NHSL1: variants seen among roughly 807,000 people sequenced by gnomAD.
NHSL1 encodes the protein NHS-like protein 1.
NHSL1 carries 48 observed loss-of-function variants against 95.0 expected under a neutral mutation model. That is an observed-to-expected ratio of 0.51 (90% CI 0.40 to 0.64). NHSL1 has a LOEUF of 0.64. Among genes scored for constraint, NHSL1 ranks in the 30% least tolerant of loss-of-function variants. The pLI is 0.00. For synonymous variants in NHSL1, 783 were observed against 833.9 expected, an observed-to-expected ratio of 0.94 and a Z score of 1.05; for missense variants, 1,971 against 2,077.7, an observed-to-expected ratio of 0.95 and a Z score of 1.00.
intron 1 of NHSL1, among the ~76,000 whole-genome samples, chr6:138,671,013 C>T (rs1019892067): frequency 2.6e-5 from 4 of 151,924 alleles, no homozygotes; most frequent in Non-Finnish European, 5.9e-5. Flanking sequence ...CTTAGCCAGG[C>T]ATGGTGGTGC....
chr6:138,656,256 T>C (rs1785156009), intron 1 of NHSL1, among the ~76,000 whole-genome samples: 1 of 152,250 alleles, frequency 6.6e-6, no homozygotes, highest in Non-Finnish European at 1.5e-5. Context: ...ACTTACGAGT[T>C]TCTTTTACAA....
chr6:138,433,375 T>G lies in NHSL1; in HGVS notation c.970A>C (p.Ser324Arg). The G allele has an allele frequency of 6.4e-7, 1 of 1,552,226 alleles. No individual in the cohort carries two copies. The highest frequency in any genetic ancestry group is 2.4e-5 in the East Asian group (1 of 40,900). Residue 324 changes from serine (S) to arginine (R), a missense_variant, in exon 6 of 8, where the codon AGT (serine) becomes CGT (arginine). Physicochemically the swap from Ser to Arg is moderately radical, Grantham distance 110. This residue lies in a region of NHSL1 where 1,602 missense variants were observed against 1,654.5 expected (regional missense o/e 0.97). Coordinates refer to ENST00000343505, the MANE Select transcript of NHSL1 (RefSeq NM_001144060.2). ...SRLDSDAGFHSLPRSGARANI... is the reference protein window; with the variant it reads ...SRLDSDAGFHRLPRSGARANI... ...GCCCTTGCTCCAGAACGCGGAAGAC[T>G]ATGGAAGCCAGCATCACTGTCAAGG... is the stretch of plus-strand genomic sequence containing the variant.
At chr6:138,526,375 G>T (rs535653450) in intron 1 of NHSL1, among the ~76,000 whole-genome samples, 22 of 152,278 alleles carry the variant, frequency 1.4e-4, no homozygotes, top group Non-Finnish European at 2.9e-4. Context: ...CAACTACTGG[G>T]AAGGCTGAGG....
intron 2 of NHSL1, among the ~76,000 whole-genome samples, chr6:138,488,929 G>A (rs186936395): frequency 6.6e-6 from 1 of 152,338 alleles, no homozygotes; most frequent in East Asian, 1.9e-4. Flanking sequence ...AAGGGGGACT[G>A]ACCAGAGGAC....
intron 1 of NHSL1, among the ~76,000 whole-genome samples, chr6:138,659,210 C>G (rs775970723): frequency 6.6e-6 from 1 of 151,782 alleles, no homozygotes; most frequent in African/African-American, 2.4e-5. Flanking sequence ...CCACCACATC[C>G]GGCTAATTTT....
intron 1 of NHSL1, among the ~76,000 whole-genome samples, chr6:138,600,547 C>G (rs547556864): frequency 6.6e-6 from 1 of 152,254 alleles, no homozygotes; most frequent in South Asian, 2.1e-4. Flanking sequence ...TACTTTGTAA[C>G]CAAAAGAGAA....
At chr6:138,492,538 T>G (rs376185593) in intron 2 of NHSL1, among the ~76,000 whole-genome samples, 142 of 152,380 alleles carry the variant, frequency 9.3e-4, no homozygotes, top group African/African-American at 3.2e-3. Flanking sequence ...TCTGCTTTTA[T>G]GTACTAAGTC....
At chr6:138,603,452 T>C (rs1417094258) in intron 1 of NHSL1, among the ~76,000 whole-genome samples, 3 of 152,176 alleles carry the variant, frequency 2.0e-5, no homozygotes, top group African/African-American at 7.2e-5. Flanking sequence ...GTGAGCACTA[T>C]GAGGTTTGGT....
upstream of NHSL1, among the ~76,000 whole-genome samples, chr6:138,499,840 GA>G (rs539941862): frequency 3.9e-5 from 6 of 152,090 alleles, no homozygotes; most frequent in African/African-American, 7.2e-5. Flanking sequence ...ATTTAGGGGG[GA>G]AAAAAACCAA....
At position 138,511,874 on chromosome 6, in the gene NHSL1, C is replaced by A. The variant is rs560157365; in HGVS notation, c.17-15503G>T. Among the ~76,000 whole-genome samples, 14 of 152,192 alleles carry A rather than the reference C, an allele frequency of 9.2e-5. No homozygotes were observed. The East Asian group carries it at 2.5e-3, about 27-fold the overall frequency. Reference sequence around the variant, plus strand: ...AGTGAGCCGAGATTGCTCCACCGCACTCCAGCCTGGGCAATAGAGCGAGAT... The same window carrying A: ...AGTGAGCCGAGATTGCTCCACCGCAATCCAGCCTGGGCAATAGAGCGAGAT... On this transcript the variant is annotated intron_variant, in intron 1 of 4. Transcript: ENST00000342260.
rs547704430 is a variant in NHSL1 at position 138,592,842 on chromosome 6, C to T, written c.97-96471G>A. Reference sequence around the variant, plus strand: ...CAATTGTGATGGAGCAAAAATTTTGCCTGTAGACAATAATTAACCTTTCTC... The same window carrying T: ...CAATTGTGATGGAGCAAAAATTTTGTCTGTAGACAATAATTAACCTTTCTC... On this transcript the variant is annotated intron_variant, in intron 1 of 3. Transcript: ENST00000491526. 2.0e-5 allele frequency among the ~76,000 whole-genome samples: 3 copies of T among 152,130 alleles called. No individual in the cohort carries two copies. The South Asian group carries it at 6.2e-4, about 32-fold the overall frequency.
intron 3 of NHSL1, among the ~76,000 whole-genome samples, chr6:138,455,530 GCCTTCACATGCTCCCTGCAAGGAGCCCC>G (rs1777548541): frequency 9.5e-6 from 1 of 105,402 alleles, no homozygotes; most frequent in Non-Finnish European, 2.3e-5. Flanking sequence ...AAGGAGCCCC[GCCTTCACATGCTCCCTGCAAGGAGCCCC>G]GCCTTCGCAT....
intron 1 of NHSL1, among the ~76,000 whole-genome samples, chr6:138,612,095 G>C (rs577511708): frequency 1.2e-3 from 139 of 116,020 alleles, no homozygotes; most frequent in African/African-American, 5.0e-3. Flanking sequence ...GAGCAACAGA[G>C]CAAGACTCCA....
In NHSL1 at chr6:138,441,125, T is replaced by G. The variant is rs149810476; in HGVS notation, c.664+858A>C. ...TTCTATTAACATCACCAAGCCCGTT[T>G]GTTAAATGAGGAAGTAGACTCAGAG... On this transcript the variant is annotated intron_variant, in intron 5 of 7. Transcript: ENST00000343505. Among the ~76,000 whole-genome samples the G allele has an allele frequency of 5.0e-4, 76 of 152,310 alleles. 1 individual carries two copies. Among genetic ancestry groups the G allele is most frequent in the Admixed American group, 8.5e-4 (13 of 15,306 alleles).
intron 1 of NHSL1, among the ~76,000 whole-genome samples, chr6:138,688,577 A>G (rs1472459623): frequency 6.6e-6 from 1 of 152,140 alleles, no homozygotes. Context: ...CGGGAGGCAG[A>G]GGTTGCAGTG....
chr6:138,441,999 G>A lies in NHSL1; in HGVS notation c.648C>T (p.Asn216=), dbSNP rs1220033592. The A allele has an allele frequency of 1.3e-6, 2 of 1,551,038 alleles. No individual in the cohort carries two copies. The highest frequency in any genetic ancestry group is 2.0e-5 in the Admixed American group (1 of 50,924). ...RRKTITGVPD[N]IQKELASGTG... ...GAGCCATACCTAGCTCCTTCTGTAT[G>A]TTGTCAGGGACTCCTGTAATAGTCT... is the stretch of plus-strand genomic sequence containing the variant. Residue 216 remains asparagine (N), a synonymous_variant, in exon 5 of 8, where the codon AAC becomes AAT. Transcript: ENST00000343505.
chr6:138,480,705 T>C (rs1300309209), intron 2 of NHSL1, among the ~76,000 whole-genome samples: 1 of 152,216 alleles, frequency 6.6e-6, no homozygotes, highest in East Asian at 1.9e-4. Context: ...TCATTAAGCA[T>C]TGGGAGGACT....
intron 1 of NHSL1, among the ~76,000 whole-genome samples, chr6:138,670,665 CAAAAAAAAAAA>C (rs370888768): frequency 1.4e-5 from 1 of 69,360 alleles, no homozygotes; most frequent in South Asian, 5.4e-4. Flanking sequence ...GACTCCGTCT[CAAAAAAAAAAA>C]AAAAAAAAAA....
chr6:138,628,692 G>A (rs987613981), intron 1 of NHSL1, among the ~76,000 whole-genome samples: 1 of 152,220 alleles, frequency 6.6e-6, no homozygotes, highest in Admixed American at 6.5e-5. Flanking sequence ...AGGTTGTAGT[G>A]AGCTGAGATT....
Sources: allele counts gnomAD v4.1 joint callset (sites outside exome capture counted in the v4.1 genomes callset), GRCh38; gene constraint gnomAD v4.1.1; regional missense constraint gnomAD v4.1.1; transcripts MANE v1.5; gene names NCBI Gene and HGNC (gene_info 2026-07-23, HGNC 2026-07-21).